CPEB3: variants seen among roughly 807,000 people sequenced by gnomAD.
CPEB3 encodes the protein cytoplasmic polyadenylation element-binding protein 3.
In CPEB3, 20 loss-of-function variants were observed where a neutral mutation model predicts 67.2. The observed-to-expected ratio is 0.30, with a 90% confidence interval of 0.21 to 0.43. CPEB3 has a LOEUF of 0.43. CPEB3 is among the 20% of genes least tolerant of loss of function. The probability of loss-of-function intolerance (pLI) is 1.00; values close to 1 mark genes in which losing one functional copy is unlikely to be tolerated. For missense variants in CPEB3, 746 were observed against 968.6 expected, an observed-to-expected ratio of 0.77 and a Z score of 3.05; for synonymous variants, 376 against 393.1, an observed-to-expected ratio of 0.96 and a Z score of 0.51.
At chr10:92,170,997 G>A (rs1847974275) in intron 4 of CPEB3, among the ~76,000 whole-genome samples, 1 of 152,118 alleles carries the variant, frequency 6.6e-6, no homozygotes, top group Non-Finnish European at 1.5e-5. Flanking sequence ...ATAACATAAG[G>A]AATAATACAG....
intron 2 of CPEB3, among the ~76,000 whole-genome samples, chr10:92,226,982 GGT>G (rs374607611): frequency 1.4e-4 from 21 of 152,274 alleles, no homozygotes; most frequent in African/African-American, 5.1e-4. Context: ...ATCTGTATAT[GGT>G]ATATGCACAG....
intron 2 of CPEB3, among the ~76,000 whole-genome samples, chr10:92,208,539 T>C (rs1404493486): frequency 6.6e-6 from 1 of 152,132 alleles, no homozygotes; most frequent in Non-Finnish European, 1.5e-5. Context: ...TTCCAAATTT[T>C]AAGGAAGTTG....
intron 2 of CPEB3, chr10:92,204,381 AG>A (rs763793909): frequency 6.6e-6 from 1 of 152,230 alleles, no homozygotes; most frequent in Non-Finnish European, 1.5e-5. Flanking sequence ...ATAAAACAAC[AG>A]CTGTGTCAAT....
intron 2 of CPEB3, among the ~76,000 whole-genome samples, chr10:92,210,936 T>C (rs1850050431): frequency 6.6e-6 from 1 of 152,192 alleles, no homozygotes; most frequent in South Asian, 2.1e-4. Flanking sequence ...CTCAGGAGGC[T>C]GAGGCAGGAG....
At chr10:92,170,967 C>T (rs992059655) in intron 4 of CPEB3, among the ~76,000 whole-genome samples, 3 of 152,158 alleles carry the variant, frequency 2.0e-5, no homozygotes, top group African/African-American at 7.2e-5. Flanking sequence ...CTTGCTAGTT[C>T]TACATTTCTG....
chr10:92,204,179 T>G (rs1444256853), intron 2 of CPEB3: 10 of 152,136 alleles, frequency 6.6e-5, no homozygotes, highest in African/African-American at 2.2e-4. Context: ...ACCTATAAGC[T>G]GTTCATTTCA....
intron 4 of CPEB3, among the ~76,000 whole-genome samples, chr10:92,179,806 C>A (rs1033356696): frequency 5.3e-5 from 8 of 152,152 alleles, no homozygotes; most frequent in Non-Finnish European, 1.2e-4. Context: ...GCATGTCAGA[C>A]CAAGGAGATG....
chr10:92,134,860 C>T, intron 6 of CPEB3, among the ~76,000 whole-genome samples: 1 of 151,868 alleles, frequency 6.6e-6, no homozygotes, highest in East Asian at 1.9e-4. Context: ...AACAACACCA[C>T]ACATCTACAA....
chr10:92,194,381 G>A (rs1017944467), intron 2 of CPEB3, among the ~76,000 whole-genome samples: 2 of 151,934 alleles, frequency 1.3e-5, no homozygotes, highest in South Asian at 2.1e-4. Flanking sequence ...AGAGGTTGCC[G>A]TGAGCTGAGA....
chr10:92,247,702 G>A (rs916284915), intron 1 of CPEB3, among the ~76,000 whole-genome samples: 5 of 151,894 alleles, frequency 3.3e-5, no homozygotes, highest in African/African-American at 9.7e-5. Context: ...AAGTAGAGAC[G>A]GGGTTTCACC....
chr10:92,189,698 A>ATTTTT (rs1035403421), intron 3 of CPEB3, among the ~76,000 whole-genome samples: 8 of 88,050 alleles, frequency 9.1e-5, no homozygotes, highest in Non-Finnish European at 1.3e-4. Context: ...GTCTCTAGTG[A>ATTTTT]TTTTTTTTTT....
chr10:92,156,633 T>G (rs1847223454), intron 4 of CPEB3, among the ~76,000 whole-genome samples: 1 of 152,230 alleles, frequency 6.6e-6, no homozygotes, highest in South Asian at 2.1e-4. Context: ...AGTGATCATT[T>G]TTCTAGCAAC....
At chr10:92,125,244 C>T (rs1407771057) in intron 6 of CPEB3, among the ~76,000 whole-genome samples, 1 of 152,192 alleles carries the variant, frequency 6.6e-6, no homozygotes, top group East Asian at 1.9e-4. Context: ...GACCCTGTGC[C>T]CCTAGACTGC....
intron 1 of CPEB3, among the ~76,000 whole-genome samples, chr10:92,258,442 T>TA (rs2064108954): frequency 6.6e-6 from 1 of 151,696 alleles, no homozygotes; most frequent in Non-Finnish European, 1.5e-5. Context: ...TTCTTCATCA[T>TA]ACCATCATAT....
At chr10:92,244,190 T>C (rs1349514630) in intron 1 of CPEB3, among the ~76,000 whole-genome samples, 1 of 151,594 alleles carries the variant, frequency 6.6e-6, no homozygotes, top group Non-Finnish European at 1.5e-5. Flanking sequence ...CTACTAAAAA[T>C]ACAAAAATTA....
intron 2 of CPEB3, among the ~76,000 whole-genome samples, chr10:92,211,224 GT>G (rs2134340101): frequency 6.6e-6 from 1 of 152,270 alleles, no homozygotes; most frequent in South Asian, 2.1e-4. Flanking sequence ...GACAATTTTT[GT>G]TTAGAAAATT....
intron 1 of CPEB3, among the ~76,000 whole-genome samples, chr10:92,263,075 CAT>C (rs1255023655): frequency 6.6e-6 from 1 of 152,024 alleles, no homozygotes; most frequent in Non-Finnish European, 1.5e-5. Context: ...CGGCCGAAAG[CAT>C]TTTTTTGTTG....
intron 1 of CPEB3, among the ~76,000 whole-genome samples, chr10:92,278,401 A>C (rs1842093673): frequency 1.3e-5 from 2 of 152,112 alleles, no homozygotes; most frequent in South Asian, 4.1e-4. Flanking sequence ...AATTTCTTAC[A>C]ATAATGTCTT....
At chr10:92,190,086 T>C (rs1848891298) in intron 3 of CPEB3, among the ~76,000 whole-genome samples, 2 of 151,966 alleles carry the variant, frequency 1.3e-5, no homozygotes, top group Admixed American at 6.6e-5. Flanking sequence ...GAGACCAGCC[T>C]GGCCAACATG....
Sources: allele counts gnomAD v4.1 joint callset (sites outside exome capture counted in the v4.1 genomes callset), GRCh38; gene constraint gnomAD v4.1.1; transcripts MANE v1.5; gene names NCBI Gene and HGNC (gene_info 2026-07-23, HGNC 2026-07-21).